Variants in CSMD1 observed in about 807,000 individuals in gnomAD.
CSMD1 encodes CUB and sushi domain-containing protein 1.
CSMD1 carries 213 observed loss-of-function variants against 417.5 expected under a neutral mutation model. The observed-to-expected ratio is 0.51, with a 90% confidence interval of 0.46 to 0.57. The LOEUF (loss-of-function observed/expected upper bound fraction) is 0.57. Ranked by LOEUF, CSMD1 falls within the 20% of genes least tolerant of loss-of-function variation. The pLI, the probability that CSMD1 is intolerant of heterozygous loss-of-function variation, is 0.00. For missense variants in CSMD1, 6,923 were observed against 4,529.7 expected, an observed-to-expected ratio of 1.53 and a Z score of -15.17; for synonymous variants, 2,862 against 1,736.8, an observed-to-expected ratio of 1.65 and a Z score of -16.11.
At chr8:4,901,281 T>C (rs1804854405) in intron 1 of CSMD1, among the ~76,000 whole-genome samples, 1 of 152,186 alleles carries the variant, frequency 6.6e-6, no homozygotes. Context: ...ACTACATTGT[T>C]AAGTTTGTGA....
chr8:4,717,593 T>C (rs1178258600), intron 1 of CSMD1, among the ~76,000 whole-genome samples: 4 of 149,842 alleles, frequency 2.7e-5, no homozygotes, highest in Admixed American at 2.0e-4. Flanking sequence ...CATACATCCA[T>C]CCATCCATCC....
At chr8:3,740,350 C>T (rs1019703036) in intron 6 of CSMD1, among the ~76,000 whole-genome samples, 3 of 152,128 alleles carry the variant, frequency 2.0e-5, no homozygotes, top group African/African-American at 4.8e-5. Flanking sequence ...AAATGATCCG[C>T]CTTCCTTTCA....
chr8:4,841,144 G>A (rs560336714), intron 1 of CSMD1, among the ~76,000 whole-genome samples: 2 of 152,176 alleles, frequency 1.3e-5, no homozygotes, highest in Admixed American at 6.5e-5. Context: ...ATTACTGAAT[G>A]CATATATAAA....
At chr8:3,934,276 A>G (rs115063543) in intron 5 of CSMD1, among the ~76,000 whole-genome samples, 52 of 152,320 alleles carry the variant, frequency 3.4e-4, no homozygotes, top group African/African-American at 1.2e-3. Context: ...TTCTTCATCA[A>G]TTTAATCTGA....
At chr8:4,367,657 G>A (rs1216192147) in intron 3 of CSMD1, among the ~76,000 whole-genome samples, 1 of 152,114 alleles carries the variant, frequency 6.6e-6, no homozygotes, top group Non-Finnish European at 1.5e-5. Flanking sequence ...TGGGTGGTAT[G>A]ATGATTTTCA....
rs192869062 is a variant in CSMD1 at position 4,585,751 on chromosome 8, A to C, written c.302+51591T>G. On this transcript the variant is annotated intron_variant, in intron 2 of 69. Transcript: ENST00000635120. ...AAAATGATGACCAACATAGAGCTCT[A>C]TACAAAGTGAAACTATCCTATAGAA... Among the ~76,000 whole-genome samples the C allele has an allele frequency of 3.5e-4, 54 of 152,344 alleles. No individual in the cohort carries two copies. The South Asian group carries it at 0.011, about 31-fold the overall frequency.
intron 25 of CSMD1, among the ~76,000 whole-genome samples, chr8:3,299,105 T>C (rs1465876474): frequency 6.6e-6 from 1 of 151,998 alleles, no homozygotes; most frequent in Non-Finnish European, 1.5e-5. Flanking sequence ...AAATGTAAAA[T>C]TGTTAAAAGT....
chr8:3,670,630 G>A (rs1197467129), intron 7 of CSMD1, among the ~76,000 whole-genome samples: 2 of 110,950 alleles, frequency 1.8e-5, no homozygotes, highest in Admixed American at 1.8e-4. Context: ...ATATATATGG[G>A]ATATTTATAT....
rs1486743727 is a variant in CSMD1 at position 3,528,888 on chromosome 8, G to A, written c.1345-35162C>T. Among the ~76,000 whole-genome samples the A allele has an allele frequency of 5.3e-5, 8 of 152,122 alleles. No individual in the cohort carries two copies. The East Asian group carries it at 1.3e-3, about 26-fold the overall frequency. ...AATACTCTGTATGTATTATAACTGT[G>A]CATTTCATTTGCATTTATCTGCAAA... On this transcript the variant is annotated intron_variant, in intron 10 of 69. Coordinates refer to ENST00000635120, the MANE Select transcript of CSMD1 (RefSeq NM_033225.6).
intron 1 of CSMD1, among the ~76,000 whole-genome samples, chr8:4,816,059 C>A (rs1402781436): frequency 6.6e-6 from 1 of 152,150 alleles, no homozygotes; most frequent in Non-Finnish European, 1.5e-5. Flanking sequence ...CAGATAAACA[C>A]AGCAGGACTG....
At chr8:3,545,630 T>A (rs61710817) in intron 10 of CSMD1, among the ~76,000 whole-genome samples, 2,337 of 152,304 alleles carry the variant, frequency 0.015, 69 homozygotes, top group African/African-American at 0.054. Context: ...AGTTGAGCAA[T>A]TCAGGTGCAT....
chr8:3,653,527 T>G (rs1235855964), intron 7 of CSMD1, among the ~76,000 whole-genome samples: 1 of 152,196 alleles, frequency 6.6e-6, no homozygotes, highest in Non-Finnish European at 1.5e-5. Context: ...CAAGCTGGTC[T>G]CGAACTCCTG....
intron 5 of CSMD1, among the ~76,000 whole-genome samples, chr8:3,853,652 G>A (rs77715272): frequency 0.07 from 10,626 of 151,930 alleles, 567 homozygotes; most frequent in African/African-American, 0.15. Flanking sequence ...CTCCTCCGAA[G>A]GACCATCTTC....
At chr8:3,891,413 C>G (rs1488359839) in intron 5 of CSMD1, among the ~76,000 whole-genome samples, 1 of 152,082 alleles carries the variant, frequency 6.6e-6, no homozygotes, top group Non-Finnish European at 1.5e-5. Flanking sequence ...GGTATGGTGG[C>G]TCACGCCTAC....
At chr8:4,746,318 T>A (rs1358680338) in intron 1 of CSMD1, among the ~76,000 whole-genome samples, 1 of 152,198 alleles carries the variant, frequency 6.6e-6, no homozygotes, top group Non-Finnish European at 1.5e-5. Context: ...TCACTCAGAA[T>A]AGCGACTGTA....
chr8:4,752,876 T>G (rs1222984628), intron 1 of CSMD1, among the ~76,000 whole-genome samples: 1 of 152,148 alleles, frequency 6.6e-6, no homozygotes, highest in African/African-American at 2.4e-5. Flanking sequence ...AGCATGTCTT[T>G]TCTCCCAAAG....
intron 3 of CSMD1, among the ~76,000 whole-genome samples, chr8:4,403,500 C>T (rs1804795646): frequency 6.6e-6 from 1 of 152,112 alleles, no homozygotes; most frequent in Admixed American, 6.5e-5. Flanking sequence ...AGTGAAAAAT[C>T]ACCTCTCCTC....
intron 1 of CSMD1, among the ~76,000 whole-genome samples, chr8:4,738,242 C>A (rs1470564377): frequency 6.6e-6 from 1 of 152,166 alleles, no homozygotes; most frequent in Admixed American, 6.5e-5. Context: ...ATTTATCCAT[C>A]TGTATTAGTT....
intron 3 of CSMD1, among the ~76,000 whole-genome samples, chr8:4,418,017 C>T (rs17070217): frequency 0.028 from 4,187 of 151,982 alleles, 90 homozygotes; most frequent in East Asian, 0.071. Flanking sequence ...CTCCAAATAA[C>T]GCACACTCAT....
Sources: allele counts gnomAD v4.1 joint callset (sites outside exome capture counted in the v4.1 genomes callset), GRCh38; gene constraint gnomAD v4.1.1; transcripts MANE v1.5; gene names NCBI Gene and HGNC (gene_info 2026-07-23, HGNC 2026-07-21).